Variants in ITGB3BP observed in about 807,000 individuals in gnomAD.
ITGB3BP encodes integrin subunit beta 3 binding protein, also known as centromere protein R.
ITGB3BP carries 27 observed loss-of-function variants against 29.1 expected under a neutral mutation model. That is an observed-to-expected ratio of 0.93 (90% CI 0.68 to 1.28). ITGB3BP has a LOEUF of 1.28. ITGB3BP is among the 50% of genes most tolerant of loss of function. The pLI, the probability that ITGB3BP is intolerant of heterozygous loss-of-function variation, is 0.00. For missense variants in ITGB3BP, 192 were observed against 200.2 expected (o/e 0.96, Z 0.25); for synonymous variants, 61 against 61.4 (o/e 0.99, Z 0.03).
intron 1 of ITGB3BP, among the ~76,000 whole-genome samples, chr1:63,520,979 C>T (rs1477404079): frequency 6.6e-6 from 1 of 152,172 alleles, no homozygotes; most frequent in Non-Finnish European, 1.5e-5. Context: ...TCTATTGTCA[C>T]TGAACATTTG....
intron 3 of ITGB3BP, among the ~76,000 whole-genome samples, chr1:63,489,731 T>A (rs963623733): frequency 1.3e-5 from 2 of 152,192 alleles, no homozygotes; most frequent in Admixed American, 1.3e-4. Flanking sequence ...CACTCTTAAG[T>A]TGTAGTGCAG....
At chr1:63,480,163 CTT>C (rs1345187633) in intron 3 of ITGB3BP, among the ~76,000 whole-genome samples, 1 of 152,064 alleles carries the variant, frequency 6.6e-6, no homozygotes, top group East Asian at 1.9e-4. Flanking sequence ...CTTATCTAAA[CTT>C]TTACAAGTTT....
intron 2 of ITGB3BP, among the ~76,000 whole-genome samples, chr1:63,506,351 C>T (rs1315615714): frequency 1.3e-5 from 2 of 152,164 alleles, no homozygotes; most frequent in East Asian, 3.9e-4. Flanking sequence ...GCCCAAAAGG[C>T]ACTTCTTAAT....
intron 1 of ITGB3BP, among the ~76,000 whole-genome samples, chr1:63,513,071 A>C (rs936728116): frequency 2.6e-5 from 4 of 152,192 alleles, no homozygotes; most frequent in African/African-American, 9.6e-5. Flanking sequence ...CTGAGAGCAT[A>C]ACTTGAGGCA....
chr1:63,505,460 C>A (rs1437340466), intron 2 of ITGB3BP, among the ~76,000 whole-genome samples: 2 of 152,006 alleles, frequency 1.3e-5, no homozygotes, highest in African/African-American at 4.8e-5. Flanking sequence ...CTCAAAAAAC[C>A]AGCTACTGGA....
At chr1:63,462,534 T>G (rs974452147) in intron 4 of ITGB3BP, among the ~76,000 whole-genome samples, 18 of 152,270 alleles carry the variant, frequency 1.2e-4, no homozygotes, top group African/African-American at 4.1e-4. Context: ...GCAGGTGTCC[T>G]TGTTTTGCTC....
At chr1:63,494,111 G>A (rs1158971131) in intron 2 of ITGB3BP, among the ~76,000 whole-genome samples, 2 of 152,026 alleles carry the variant, frequency 1.3e-5, no homozygotes, top group African/African-American at 4.8e-5. Flanking sequence ...GGCCTAAGGT[G>A]CCTAGAAGAG....
intron 2 of ITGB3BP, among the ~76,000 whole-genome samples, chr1:63,498,971 A>C (rs553643512): frequency 2.6e-5 from 4 of 152,178 alleles, no homozygotes; most frequent in African/African-American, 4.8e-5. Flanking sequence ...GCATGCTAAC[A>C]AATTAGATAA....
chr1:63,468,237 G>A (rs1645133563), intron 4 of ITGB3BP, among the ~76,000 whole-genome samples: 1 of 152,160 alleles, frequency 6.6e-6, no homozygotes, highest in South Asian at 2.1e-4. Flanking sequence ...CTGTGTTTAG[G>A]TCAGGTGCCT....
At chr1:63,484,318 G>A (rs1158227630) in intron 3 of ITGB3BP, among the ~76,000 whole-genome samples, 1 of 151,842 alleles carries the variant, frequency 6.6e-6, no homozygotes, top group Non-Finnish European at 1.5e-5. Context: ...AGAGTCTGTG[G>A]ATCTTGGAAA....
At chr1:63,517,835 C>T (rs1646367482) in intron 1 of ITGB3BP, among the ~76,000 whole-genome samples, 1 of 152,166 alleles carries the variant, frequency 6.6e-6, no homozygotes, top group African/African-American at 2.4e-5. Context: ...GATCCTCCTG[C>T]CTCAGCCTCC....
At chr1:63,519,362 T>C (rs1646400491) in intron 1 of ITGB3BP, among the ~76,000 whole-genome samples, 2 of 152,110 alleles carry the variant, frequency 1.3e-5, no homozygotes, top group African/African-American at 2.4e-5. Context: ...AAAAGAATGG[T>C]TGTATGGGTA....
chr1:63,450,515 TA>T, intron 7 of ITGB3BP, among the ~76,000 whole-genome samples: 1 of 152,066 alleles, frequency 6.6e-6, no homozygotes, highest in Admixed American at 6.5e-5. Context: ...TTGTTTTAAG[TA>T]GAGGTTGATT....
At chr1:63,502,641 T>C (rs1456153055) in intron 2 of ITGB3BP, among the ~76,000 whole-genome samples, 1 of 150,600 alleles carries the variant, frequency 6.6e-6, no homozygotes, top group East Asian at 2.0e-4. Context: ...ATTAGGTATA[T>C]CTCCTAATGC....
chr1:63,445,307 A>G (rs147173667), intron 8 of ITGB3BP, among the ~76,000 whole-genome samples: 66 of 152,218 alleles, frequency 4.3e-4, no homozygotes, highest in African/African-American at 1.5e-3. Flanking sequence ...AAAACAACAG[A>G]AAGTACTCAA....
intron 2 of ITGB3BP, among the ~76,000 whole-genome samples, chr1:63,493,088 A>ACACACACACACACACG (rs372348238): frequency 6.7e-6 from 1 of 148,848 alleles, no homozygotes; most frequent in African/African-American, 2.5e-5. Context: ...ACACACACAC[A>ACACACACACACACACG]CGCGCGCGCG....
Position 63,454,079 on chromosome 1 carries a change from A to G in ITGB3BP, c.428-105T>C, listed in dbSNP as rs560611946. ...TGAGAAAAAAATAATTCAAAATAAT[A>G]CATATTTATAAGTACCAAATATAAA... On this transcript the variant is annotated intron_variant, in intron 6 of 8. Transcript: ENST00000271002. The surrounding 1 kb of genome is among the most constrained non-coding windows in gnomAD (Gnocchi z 4.1). The G allele has an allele frequency of 1.4e-4, 87 of 606,616 alleles. No homozygotes were observed. The highest frequency in any genetic ancestry group is 2.3e-4 in the Non-Finnish European group (82 of 351,378). The allele number at this position is 606,616 out of a possible 1,614,324, so 37.6% of individuals were successfully genotyped here.
intron 1 of ITGB3BP, among the ~76,000 whole-genome samples, chr1:63,515,288 T>A (rs12060293): frequency 0.34 from 51,427 of 152,006 alleles, 8,934 homozygotes; most frequent in East Asian, 0.48. Context: ...CTGAGCTGCT[T>A]TGGTACCTTT....
intron 4 of ITGB3BP, among the ~76,000 whole-genome samples, chr1:63,460,745 A>G (rs1645003260): frequency 6.6e-6 from 1 of 152,182 alleles, no homozygotes; most frequent in Non-Finnish European, 1.5e-5. Flanking sequence ...GCTACAATGT[A>G]CAAGGGTTTT....
Sources: allele counts gnomAD v4.1 joint callset (sites outside exome capture counted in the v4.1 genomes callset), GRCh38; gene constraint gnomAD v4.1.1; non-coding constraint Gnocchi (gnomAD v3.1); transcripts MANE v1.5; gene names NCBI Gene and HGNC (gene_info 2026-07-23, HGNC 2026-07-21).